The following CHL1 variants were observed in gnomAD, a reference collection of about 807,000 sequenced individuals.
The protein encoded by CHL1 is cell adhesion molecule L1 like.
CHL1 carries 96 observed loss-of-function variants against 141.9 expected under a neutral mutation model. That is an observed-to-expected ratio of 0.68 (90% CI 0.57 to 0.80). The LOEUF (loss-of-function observed/expected upper bound fraction) is 0.80, where lower values mean the gene tolerates loss of function less well. CHL1 is among the 30% of genes least tolerant of loss of function. The pLI is 0.00. For synonymous variants in CHL1, 613 were observed against 502.2 expected (o/e 1.22, Z -2.95); for missense variants, 1,820 against 1,457.2 (o/e 1.25, Z -4.05).
chr3:249,604 A>G (rs1056808967), intron 2 of CHL1, among the ~76,000 whole-genome samples: 2 of 152,166 alleles, frequency 1.3e-5, no homozygotes, highest in Non-Finnish European at 2.9e-5. Flanking sequence ...ATTATTAGGC[A>G]GTGCCTTTTG....
At chr3:204,903 A>G (rs1243252757) in intron 1 of CHL1, among the ~76,000 whole-genome samples, 1 of 152,188 alleles carries the variant, frequency 6.6e-6, no homozygotes, top group Non-Finnish European at 1.5e-5. Context: ...ATAGTGAACA[A>G]AAAGAAACAG....
chr3:249,541 G>T (rs543897087), intron 2 of CHL1, among the ~76,000 whole-genome samples: 1 of 152,114 alleles, frequency 6.6e-6, no homozygotes, highest in East Asian at 1.9e-4. Flanking sequence ...TTCTACCTTC[G>T]AAAGAGTGAG....
At chr3:309,497 T>A (rs1699572903) in intron 2 of CHL1, among the ~76,000 whole-genome samples, 1 of 151,208 alleles carries the variant, frequency 6.6e-6, no homozygotes, top group South Asian at 2.1e-4. Context: ...TTCTTTCTTT[T>A]TCTCCTTCCT....
chr3:245,500 T>C (rs1298870489), intron 2 of CHL1, among the ~76,000 whole-genome samples: 1 of 152,168 alleles, frequency 6.6e-6, no homozygotes, highest in Non-Finnish European at 1.5e-5. Flanking sequence ...CGACTAGTTT[T>C]TAAAGACAAA....
chr3:339,189 T>C (rs1349963919), intron 5 of CHL1, among the ~76,000 whole-genome samples: 1 of 152,180 alleles, frequency 6.6e-6, no homozygotes, highest in African/African-American at 2.4e-5. Flanking sequence ...TAAAACTAAA[T>C]AAGTGGTTCA....
At chr3:213,658 T>A (rs543744203) in intron 1 of CHL1, 3 of 152,212 alleles carry the variant, frequency 2.0e-5, no homozygotes, top group African/African-American at 7.2e-5. Context: ...GATAATGTTT[T>A]ATGGGAGATT....
chr3:287,591 A>G (rs933243589), intron 2 of CHL1, among the ~76,000 whole-genome samples: 9 of 152,346 alleles, frequency 5.9e-5, no homozygotes, highest in Admixed American at 2.0e-4. Context: ...TTGATTTGAT[A>G]TATTTAACTC....
At chr3:275,972 G>A (rs1435736282) in intron 2 of CHL1, among the ~76,000 whole-genome samples, 1 of 151,832 alleles carries the variant, frequency 6.6e-6, no homozygotes, top group African/African-American at 2.4e-5. Flanking sequence ...TTTAACATAT[G>A]AAAAAACTTA....
intron 14 of CHL1, among the ~76,000 whole-genome samples, chr3:365,108 C>T (rs1172552674): frequency 6.6e-6 from 1 of 152,060 alleles, no homozygotes; most frequent in Non-Finnish European, 1.5e-5. Context: ...ATGTACATAG[C>T]CAATATCAGA....
At chr3:334,315 G>A (rs1268324429) in intron 5 of CHL1, among the ~76,000 whole-genome samples, 1 of 152,076 alleles carries the variant, frequency 6.6e-6, no homozygotes, top group East Asian at 1.9e-4. Flanking sequence ...GGGATTATTG[G>A]CACATGACAC....
chr3:297,384 T>C (rs950961383), intron 2 of CHL1, among the ~76,000 whole-genome samples: 3 of 152,160 alleles, frequency 2.0e-5, no homozygotes, highest in Non-Finnish European at 2.9e-5. Flanking sequence ...ATTGGTATTA[T>C]TGCTGCAGTT....
Position 372,009 on chromosome 3 carries a change from C to T in CHL1, c.1752-5809C>T, listed in dbSNP as rs146425656. ...CTGATGGGTTTCCCTTTGTAGGTGA[C>T]CTGGCCTTTCTCTCTGGCTGCCCTG... On this transcript the variant is annotated intron_variant, in intron 15 of 27. Coordinates refer to ENST00000256509, the MANE Select transcript of CHL1 (RefSeq NM_006614.4). 6.0e-3 allele frequency among the ~76,000 whole-genome samples: 919 copies of T among 152,228 alleles called. 2 individuals carry two copies. Among genetic ancestry groups the T allele is most frequent in the Non-Finnish European group, 0.01 (686 of 68,014 alleles).
At chr3:352,362 T>G (rs1038820603) in intron 10 of CHL1, among the ~76,000 whole-genome samples, 3 of 152,196 alleles carry the variant, frequency 2.0e-5, no homozygotes, top group Non-Finnish European at 4.4e-5. Flanking sequence ...GTTTGTTTTA[T>G]TTTGTTTTTT....
rs771734188 is a variant in CHL1 at position 405,717 on chromosome 3, A to G, written c.*6A>G. On this transcript the variant is annotated 3_prime_UTR_variant, in exon 28 of 28. Transcript: ENST00000256509. ...CTTTTCCCCTTCGGGCATAAACACA[A>G]CATATGTAAGCAACGCTACTGGTTC... is the stretch of plus-strand genomic sequence containing the variant. 6.8e-6 allele frequency: 11 copies of G among 1,606,844 alleles called. No individual in the cohort carries two copies. Among genetic ancestry groups the G allele is most frequent in the Non-Finnish European group, 9.4e-6 (11 of 1,173,802 alleles).
chr3:354,679 A>G lies in CHL1; in HGVS notation c.1073A>G (p.Tyr358Cys). ...ACAAAGAAGCCTCAGAGTGCTGTGT[A>G]TAGCACCGGAAGCAATGGCATCTTG... The part of the protein sequence containing the change: ...RWTKKPQSAV[Y>C]STGSNGILLC... Residue 358 changes from tyrosine to cysteine, a missense_variant, in exon 11 of 28, where the codon TAT becomes TGT. Physicochemically the swap from Tyr to Cys is radical, Grantham distance 194. Transcript: ENST00000256509. 6.2e-7 allele frequency: 1 copy of G among 1,614,040 alleles called. No homozygotes were observed. The highest frequency in any genetic ancestry group is 8.5e-7 in the Non-Finnish European group (1 of 1,179,918).
At chr3:357,941 A>C (rs1703863936) in intron 11 of CHL1, among the ~76,000 whole-genome samples, 2 of 152,128 alleles carry the variant, frequency 1.3e-5, no homozygotes, top group Non-Finnish European at 1.5e-5. Flanking sequence ...GGGATTAGAG[A>C]CTCAGTGCTT....
At chr3:212,360 T>C (rs1474382265) in intron 1 of CHL1, among the ~76,000 whole-genome samples, 1 of 152,176 alleles carries the variant, frequency 6.6e-6, no homozygotes, top group East Asian at 1.9e-4. Context: ...CTATACTCTA[T>C]GTATGTCCTT....
chr3:240,470 T>C (rs966525989), intron 1 of CHL1, among the ~76,000 whole-genome samples: 2 of 152,202 alleles, frequency 1.3e-5, no homozygotes, highest in African/African-American at 4.8e-5. Flanking sequence ...TGCTAATTTG[T>C]TTGAGTTCCT....
chr3:359,714 G>A (rs564560515), intron 11 of CHL1, among the ~76,000 whole-genome samples: 1 of 152,174 alleles, frequency 6.6e-6, no homozygotes, highest in African/African-American at 2.4e-5. Flanking sequence ...TTCTCAAGAA[G>A]AGTTTAGTCT....
Sources: gnomAD v4.1 joint callset for allele counts (sites outside exome capture counted in the v4.1 genomes callset) on GRCh38, gnomAD v4.1.1 for gene constraint, MANE v1.5 for transcripts, NCBI Gene and HGNC (gene_info 2026-07-23, HGNC 2026-07-21) for gene names.